DOCK4: variants seen among roughly 807,000 people sequenced by gnomAD.
DOCK4 encodes the protein dedicator of cytokinesis protein 4.
Under a neutral mutation model 268.1 loss-of-function variants are expected in DOCK4, and 97 were observed. The observed-to-expected ratio is 0.36, with a 90% confidence interval of 0.31 to 0.43. The LOEUF (loss-of-function observed/expected upper bound fraction) is 0.43. DOCK4 is among the 20% of genes least tolerant of loss of function. The pLI, the probability that DOCK4 is intolerant of heterozygous loss-of-function variation, is 1.00. For synonymous variants in DOCK4, 954 were observed against 887.2 expected (o/e 1.08, Z -1.34); for missense variants, 2,145 against 2,455.7 (o/e 0.87, Z 2.67).
chr7:111,773,684 G>A (rs529700800), intron 36 of DOCK4, among the ~76,000 whole-genome samples: 1 of 152,158 alleles, frequency 6.6e-6, no homozygotes, highest in African/African-American at 2.4e-5. Context: ...CACATTGCTA[G>A]GCACTATTCT....
chr7:112,185,714 C>A (rs947386732), intron 1 of DOCK4, among the ~76,000 whole-genome samples: 2 of 152,230 alleles, frequency 1.3e-5, no homozygotes, highest in African/African-American at 4.8e-5. Flanking sequence ...CTCCCTTGTA[C>A]TGCCACAGAT....
intron 1 of DOCK4, among the ~76,000 whole-genome samples, chr7:112,016,503 G>A (rs1387605560): frequency 1.3e-5 from 2 of 152,112 alleles, no homozygotes; most frequent in African/African-American, 2.4e-5. Flanking sequence ...GTATCTTAAG[G>A]GAAGATACTT....
chr7:112,132,727 A>T (rs878899505), intron 1 of DOCK4, among the ~76,000 whole-genome samples: 2 of 152,144 alleles, frequency 1.3e-5, no homozygotes, highest in Admixed American at 1.3e-4. Flanking sequence ...AGAAAGTAGG[A>T]GGGAACATGG....
chr7:111,761,789 T>A (rs1351740289), intron 39 of DOCK4, among the ~76,000 whole-genome samples: 2 of 152,242 alleles, frequency 1.3e-5, no homozygotes, highest in South Asian at 4.1e-4. Flanking sequence ...TATATCATGA[T>A]CTTTTGAAAA....
intron 23 of DOCK4, among the ~76,000 whole-genome samples, chr7:111,852,705 C>T (rs1586175694): frequency 1.3e-5 from 2 of 152,140 alleles, no homozygotes; most frequent in African/African-American, 4.8e-5. Flanking sequence ...TTGTGTGTGG[C>T]ATGTATACAA....
intron 1 of DOCK4, among the ~76,000 whole-genome samples, chr7:112,024,054 G>A (rs374247873): frequency 6.6e-6 from 1 of 152,138 alleles, no homozygotes; most frequent in Non-Finnish European, 1.5e-5. Flanking sequence ...TCATGTATAC[G>A]TGAATTCTGT....
chr7:111,777,261 G>A (rs1051192917), intron 36 of DOCK4, among the ~76,000 whole-genome samples: 2 of 152,144 alleles, frequency 1.3e-5, no homozygotes, highest in Admixed American at 6.5e-5. Context: ...ATCCTTCAGG[G>A]ATAAAGGTGA....
At chr7:111,954,797 C>A (rs536958733) in intron 8 of DOCK4, among the ~76,000 whole-genome samples, 1 of 152,168 alleles carries the variant, frequency 6.6e-6, no homozygotes, top group Non-Finnish European at 1.5e-5. Context: ...AAACAGGGTA[C>A]TGCTCCACAC....
intron 1 of DOCK4, among the ~76,000 whole-genome samples, chr7:112,161,871 C>T (rs1817161391): frequency 6.6e-6 from 1 of 152,248 alleles, no homozygotes; most frequent in African/African-American, 2.4e-5. Flanking sequence ...TAACAAAACG[C>T]CTGCATCCTG....
At chr7:112,187,623 G>A (rs531803917) in intron 1 of DOCK4, among the ~76,000 whole-genome samples, 2 of 152,288 alleles carry the variant, frequency 1.3e-5, no homozygotes, top group African/African-American at 4.8e-5. Flanking sequence ...TTTGCGCTCA[G>A]AAGCCACCAC....
At chr7:111,777,783 T>C (rs982854344) in intron 36 of DOCK4, among the ~76,000 whole-genome samples, 6 of 151,896 alleles carry the variant, frequency 4.0e-5, no homozygotes, top group Admixed American at 6.5e-5. Context: ...CAAGATCTGA[T>C]GCTTTTATAA....
intron 30 of DOCK4, among the ~76,000 whole-genome samples, chr7:111,802,685 A>T (rs767071588): frequency 2.0e-5 from 3 of 151,968 alleles, no homozygotes; most frequent in Admixed American, 6.6e-5. Context: ...TGAATCTCTT[A>T]AAAAAAATCT....
At chr7:111,930,217 T>C (rs1244950372) in intron 12 of DOCK4, among the ~76,000 whole-genome samples, 1 of 152,220 alleles carries the variant, frequency 6.6e-6, no homozygotes, top group Non-Finnish European at 1.5e-5. Flanking sequence ...ATATAGTAAT[T>C]CAATTTTTAA....
chr7:111,998,942 T>C (rs1233003290), intron 3 of DOCK4, among the ~76,000 whole-genome samples: 2 of 152,082 alleles, frequency 1.3e-5, no homozygotes, highest in African/African-American at 2.4e-5. Context: ...ATACAAAAAA[T>C]ATCACTGCAA....
In DOCK4 at chr7:111,758,800, A is replaced by G. The variant is rs373207140; in HGVS notation, c.4163-10T>C. The stretch of plus-strand genomic sequence containing the variant: ...GCATATATCTGCAAATCTAGGATTC[A>G]AGAGTCAAGGAGAGAACCTGACTTG... On this transcript the variant is annotated splice_polypyrimidine_tract_variant and intron_variant, in intron 40 of 52. Transcript: ENST00000428084. 3.0e-5 allele frequency: 49 copies of G among 1,613,286 alleles called. No homozygotes were observed. The Middle Eastern group carries it at 5.0e-4, about 16-fold the overall frequency.
chr7:111,973,675 CCT>C (rs1797909387), intron 8 of DOCK4, among the ~76,000 whole-genome samples: 1 of 126,532 alleles, frequency 7.9e-6, no homozygotes, highest in African/African-American at 4.0e-5. Context: ...CTTTAGAGTT[CCT>C]TTTTTTTTTT....
chr7:112,088,014 G>A (rs1362951473), intron 1 of DOCK4, among the ~76,000 whole-genome samples: 1 of 152,084 alleles, frequency 6.6e-6, no homozygotes, highest in African/African-American at 2.4e-5. Context: ...GTGGTGAAGG[G>A]GAGTAGATTT....
At chr7:112,163,026 A>G (rs1402330553) in intron 1 of DOCK4, among the ~76,000 whole-genome samples, 1 of 152,170 alleles carries the variant, frequency 6.6e-6, no homozygotes, top group East Asian at 1.9e-4. Context: ...TGTAGCTGCT[A>G]CTGCCTCTAC....
chr7:112,113,498 C>A (rs1811850623), intron 1 of DOCK4, among the ~76,000 whole-genome samples: 1 of 151,890 alleles, frequency 6.6e-6, no homozygotes, highest in African/African-American at 2.4e-5. Context: ...AAAAGTCTCC[C>A]CCAAGTAGAC....
Sources: gnomAD v4.1 joint callset for allele counts (sites outside exome capture counted in the v4.1 genomes callset) on GRCh38, gnomAD v4.1.1 for gene constraint, MANE v1.5 for transcripts, NCBI Gene and HGNC (gene_info 2026-07-23, HGNC 2026-07-21) for gene names.